The following GLCE variants were observed in gnomAD, a reference collection of about 807,000 sequenced individuals.
The protein encoded by GLCE is glucuronic acid epimerase.
In GLCE, 19 loss-of-function variants were observed where a neutral mutation model predicts 47.9. That is an observed-to-expected ratio of 0.40 (90% CI 0.28 to 0.58). The LOEUF is 0.58. GLCE is among the 20% of genes least tolerant of loss of function. The pLI is 0.48. For synonymous variants in GLCE, 245 were observed against 263.4 expected (o/e 0.93, Z 0.68); for missense variants, 556 against 743.3 (o/e 0.75, Z 2.93).
chr15:69,255,088 G>A (rs1029249344), intron 2 of GLCE, among the ~76,000 whole-genome samples: 9 of 152,178 alleles, frequency 5.9e-5, no homozygotes, highest in African/African-American at 2.2e-4. Context: ...ATGCTGTTAG[G>A]AGGTCAAGTA....
At chr15:69,225,759 A>G (rs996367920) in intron 2 of GLCE, among the ~76,000 whole-genome samples, 1 of 152,210 alleles carries the variant, frequency 6.6e-6, no homozygotes, top group Non-Finnish European at 1.5e-5. Flanking sequence ...ATTTATGTAC[A>G]TTAACTCATT....
chr15:69,250,544 G>T (rs1290769361), intron 2 of GLCE, among the ~76,000 whole-genome samples: 1 of 151,476 alleles, frequency 6.6e-6, no homozygotes, highest in Non-Finnish European at 1.5e-5. Context: ...ATCTCGCTGT[G>T]TTGCCCAGGC....
intron 2 of GLCE, among the ~76,000 whole-genome samples, chr15:69,235,489 A>G (rs897418937): frequency 1.3e-5 from 2 of 152,076 alleles, no homozygotes; most frequent in Non-Finnish European, 2.9e-5. Context: ...ATGAGTGCCT[A>G]CTGTGTGGTA....
At chr15:69,173,511 A>G (rs1048532179) in intron 1 of GLCE, among the ~76,000 whole-genome samples, 3 of 152,210 alleles carry the variant, frequency 2.0e-5, no homozygotes, top group African/African-American at 7.2e-5. Context: ...AGTTAGAGGA[A>G]GGAAAATATT....
chr15:69,172,852 T>C (rs898323047), intron 1 of GLCE, among the ~76,000 whole-genome samples: 2 of 152,240 alleles, frequency 1.3e-5, no homozygotes, highest in African/African-American at 2.4e-5. Flanking sequence ...TTATTTCTAA[T>C]AGTTAAAAAT....
chr15:69,204,847 C>G (rs963673695), intron 1 of GLCE, among the ~76,000 whole-genome samples: 2 of 151,968 alleles, frequency 1.3e-5, no homozygotes, highest in Admixed American at 6.6e-5. Context: ...ACCATTGATC[C>G]CTCTAGTGAT....
At chr15:69,218,025 G>A (rs779243417) in intron 2 of GLCE, among the ~76,000 whole-genome samples, 19 of 151,458 alleles carry the variant, frequency 1.3e-4, no homozygotes, top group Non-Finnish European at 2.1e-4. Context: ...GTGGTGGTGC[G>A]CACCTGTAAT....
chr15:69,194,247 A>G (rs2051954448), intron 1 of GLCE, among the ~76,000 whole-genome samples: 1 of 152,112 alleles, frequency 6.6e-6, no homozygotes, highest in African/African-American at 2.4e-5. Flanking sequence ...ATGAATCTAG[A>G]TTTATACTAA....
chr15:69,205,099 C>G (rs1196442594), intron 1 of GLCE, among the ~76,000 whole-genome samples: 1 of 152,022 alleles, frequency 6.6e-6, no homozygotes, highest in Non-Finnish European at 1.5e-5. Context: ...CCATCACAGT[C>G]AATATCCAGA....
chr15:69,221,266 C>A (rs2052373617), intron 2 of GLCE, among the ~76,000 whole-genome samples: 1 of 152,124 alleles, frequency 6.6e-6, no homozygotes. Flanking sequence ...TTAGGTTTTT[C>A]TATTTCCGTG....
At chr15:69,166,139 T>C (rs1250099889) in intron 1 of GLCE, among the ~76,000 whole-genome samples, 5 of 152,228 alleles carry the variant, frequency 3.3e-5, no homozygotes, top group Non-Finnish European at 7.3e-5. Flanking sequence ...GCTTTTTACT[T>C]GGAAAATGAT....
chr15:69,202,021 A>G (rs1595752106), intron 1 of GLCE, among the ~76,000 whole-genome samples: 1 of 151,900 alleles, frequency 6.6e-6, no homozygotes, highest in East Asian at 1.9e-4. Context: ...CTCAGCTCAA[A>G]CAGTCTTCCT....
intron 1 of GLCE, among the ~76,000 whole-genome samples, chr15:69,161,636 G>T (rs950068030): frequency 6.6e-6 from 1 of 152,194 alleles, no homozygotes; most frequent in African/African-American, 2.4e-5. Flanking sequence ...TTTTGTTCAG[G>T]TCTCCTTCTC....
chr15:69,268,168 A>G, intron 4 of GLCE, 52 bp from the exon 5 acceptor site: 1 of 1,176,120 alleles, frequency 8.5e-7, no homozygotes, highest in South Asian at 1.6e-5. Flanking sequence ...AATTTCAAAT[A>G]CAAAAGTGCT....
chr15:69,205,865 G>A (rs1459749290), intron 1 of GLCE, among the ~76,000 whole-genome samples: 2 of 152,118 alleles, frequency 1.3e-5, no homozygotes, highest in Non-Finnish European at 1.5e-5. Context: ...GTATAGAAGA[G>A]TTACAAAGAT....
At chr15:69,161,437 G>A (rs966121068) in intron 1 of GLCE, among the ~76,000 whole-genome samples, 1 of 152,060 alleles carries the variant, frequency 6.6e-6, no homozygotes, top group African/African-American at 2.4e-5. Context: ...GCGTCTGGCC[G>A]GGGTTTCTGC....
intron 2 of GLCE, among the ~76,000 whole-genome samples, chr15:69,211,191 AAATACT>A (rs1400771889): frequency 6.6e-6 from 1 of 152,104 alleles, no homozygotes; most frequent in Admixed American, 6.6e-5. Flanking sequence ...GTTAGCAGTT[AAATACT>A]ATGCTTATTT....
chr15:69,237,707 C>T (rs2052612519), intron 2 of GLCE, among the ~76,000 whole-genome samples: 1 of 152,136 alleles, frequency 6.6e-6, no homozygotes, highest in Admixed American at 6.6e-5. Flanking sequence ...AAGCAGGCTT[C>T]TTGATGAACC....
chr15:69,250,089 G>A (rs1464929025), intron 2 of GLCE, among the ~76,000 whole-genome samples: 2 of 151,912 alleles, frequency 1.3e-5, no homozygotes, highest in Non-Finnish European at 1.5e-5. Context: ...TTTAATTTAT[G>A]AGTTTTTCAT....
Sources: allele counts gnomAD v4.1 joint callset (sites outside exome capture counted in the v4.1 genomes callset), GRCh38; gene constraint gnomAD v4.1.1; transcripts MANE v1.5; gene names NCBI Gene and HGNC (gene_info 2026-07-23, HGNC 2026-07-21).